Variants in CFAP299 observed in about 807,000 individuals in gnomAD.
CFAP299 encodes the protein cilia- and flagella-associated protein 299.
Under a neutral mutation model 27.0 loss-of-function variants are expected in CFAP299, and 21 were observed. That is an observed-to-expected ratio of 0.78 (90% CI 0.55 to 1.12). The LOEUF is 1.12. Ranked by LOEUF, CFAP299 falls within the 50% of genes most tolerant of loss-of-function variation. The pLI is 0.00. For missense variants in CFAP299, 310 were observed against 276.6 expected (o/e 1.12, Z -0.86); for synonymous variants, 104 against 98.1 (o/e 1.06, Z -0.36).
At chr4:80,541,613 A>T (rs563652338) in intron 2 of CFAP299, among the ~76,000 whole-genome samples, 1 of 152,146 alleles carries the variant, frequency 6.6e-6, no homozygotes, top group Non-Finnish European at 1.5e-5. Context: ...CTTTAGTCCT[A>T]TCTGAGTAAC....
chr4:80,649,415 T>A (rs900802973), intron 3 of CFAP299, among the ~76,000 whole-genome samples: 2 of 152,098 alleles, frequency 1.3e-5, no homozygotes, highest in African/African-American at 4.8e-5. Context: ...TTTGGGGCTA[T>A]TTAGAGGGCT....
In CFAP299 at chr4:80,736,869, T is replaced by A. The variant is rs1436499150; in HGVS notation, c.334-133124T>A. Among the ~76,000 whole-genome samples the A allele has an allele frequency of 5.9e-5, 9 of 152,288 alleles. No homozygotes were observed. In the East Asian group the frequency reaches 1.5e-3, roughly 26 times the overall value. On this transcript the variant is annotated intron_variant, in intron 3 of 5. Coordinates refer to ENST00000358105, the MANE Select transcript of CFAP299 (RefSeq NM_152770.3). ...CTATAAAGACACATGCACAGGTATG[T>A]TTATTGCTGCATTATTCACAATAGC... is the stretch of plus-strand genomic sequence containing the variant.
chr4:80,718,891 G>C (rs1335265974), intron 3 of CFAP299, among the ~76,000 whole-genome samples: 2 of 152,040 alleles, frequency 1.3e-5, no homozygotes, highest in African/African-American at 4.8e-5. Context: ...AATGTGCTTT[G>C]AATGTCCATT....
intron 2 of CFAP299, among the ~76,000 whole-genome samples, chr4:80,500,454 G>A (rs1019068509): frequency 6.6e-6 from 1 of 152,050 alleles, no homozygotes; most frequent in Non-Finnish European, 1.5e-5. Context: ...AAATCCTTAA[G>A]TTTAAATCTG....
intron 4 of CFAP299, among the ~76,000 whole-genome samples, chr4:80,932,650 T>C (rs1478668711): frequency 6.6e-6 from 1 of 152,226 alleles, no homozygotes; most frequent in Non-Finnish European, 1.5e-5. Flanking sequence ...AAAAAACATG[T>C]TTTAGCATTG....
chr4:80,702,887 G>C (rs1721592425), intron 3 of CFAP299, among the ~76,000 whole-genome samples: 1 of 151,626 alleles, frequency 6.6e-6, no homozygotes, highest in African/African-American at 2.4e-5. Flanking sequence ...ATGACATAGT[G>C]AAAGAAAAAA....
intron 4 of CFAP299, among the ~76,000 whole-genome samples, chr4:80,898,780 T>C (rs4326005): frequency 0.16 from 23,926 of 152,034 alleles, 4,015 homozygotes; most frequent in African/African-American, 0.42. Flanking sequence ...TGGACTATGA[T>C]GATAGTGATG....
At chr4:80,847,000 G>A (rs1731219933) in intron 3 of CFAP299, among the ~76,000 whole-genome samples, 1 of 152,132 alleles carries the variant, frequency 6.6e-6, no homozygotes, top group East Asian at 1.9e-4. Context: ...TAGTGAAAAG[G>A]TAACAAAAAT....
chr4:80,879,988 G>C (rs1315758408), intron 4 of CFAP299, among the ~76,000 whole-genome samples: 1 of 152,130 alleles, frequency 6.6e-6, no homozygotes, highest in Non-Finnish European at 1.5e-5. Context: ...TCAGACCTTT[G>C]GGATTCTATT....
In CFAP299 at chr4:80,523,793, C is replaced by T. The variant is rs556705775; in HGVS notation, c.243-59300C>T. Reference sequence around the variant, plus strand: ...AGATTGTGGGACTTTTCAGCCTCCACGATTGTGTGAACCACTCCCTCATAA... The same window carrying T: ...AGATTGTGGGACTTTTCAGCCTCCATGATTGTGTGAACCACTCCCTCATAA... On this transcript the variant is annotated intron_variant, in intron 2 of 5. Coordinates refer to ENST00000358105, the MANE Select transcript of CFAP299 (RefSeq NM_152770.3). Among the ~76,000 whole-genome samples, 113 of 152,114 alleles carry T rather than the reference C, an allele frequency of 7.4e-4. 1 individual carries two copies. Among genetic ancestry groups the T allele is most frequent in the Non-Finnish European group, 5.0e-4 (34 of 68,014 alleles).
intron 3 of CFAP299, among the ~76,000 whole-genome samples, chr4:80,594,023 A>T (rs1353282820): frequency 6.6e-6 from 1 of 152,126 alleles, no homozygotes; most frequent in Non-Finnish European, 1.5e-5. Flanking sequence ...CTTTTCTGAG[A>T]TTGTTCAGTC....
intron 2 of CFAP299, among the ~76,000 whole-genome samples, chr4:80,369,868 G>A (rs144568199): frequency 3.3e-4 from 51 of 152,274 alleles, no homozygotes; most frequent in Middle Eastern, 3.4e-3. Context: ...ACAGCTTCTG[G>A]ATAGTGCATG....
At chr4:80,456,847 C>T (rs1729189123) in intron 2 of CFAP299, among the ~76,000 whole-genome samples, 1 of 152,056 alleles carries the variant, frequency 6.6e-6, no homozygotes, top group Non-Finnish European at 1.5e-5. Flanking sequence ...CACTCCAATG[C>T]ATAGAAGTTT....
chr4:80,906,859 G>A (rs1735210509), intron 4 of CFAP299, among the ~76,000 whole-genome samples: 1 of 152,140 alleles, frequency 6.6e-6, no homozygotes. Context: ...GATGGGAGGG[G>A]CTGCAGTGAA....
At chr4:80,822,847 G>T (rs957333368) in intron 3 of CFAP299, among the ~76,000 whole-genome samples, 1 of 152,124 alleles carries the variant, frequency 6.6e-6, no homozygotes, top group African/African-American at 2.4e-5. Flanking sequence ...GGCCCACACT[G>T]CACACTATCT....
intron 3 of CFAP299, among the ~76,000 whole-genome samples, chr4:80,770,758 G>A (rs1726166314): frequency 1.3e-5 from 2 of 152,078 alleles, no homozygotes; most frequent in Admixed American, 1.3e-4. Context: ...ACCTCCCTCA[G>A]GTAGTTTGCC....
At chr4:80,394,542 T>A (rs374727516) in intron 2 of CFAP299, among the ~76,000 whole-genome samples, 3 of 152,144 alleles carry the variant, frequency 2.0e-5, no homozygotes, top group African/African-American at 7.2e-5. Flanking sequence ...TTCTCTAGTA[T>A]TTTTGCAGTT....
At chr4:80,615,965 G>A (rs1430275341) in intron 3 of CFAP299, among the ~76,000 whole-genome samples, 1 of 152,122 alleles carries the variant, frequency 6.6e-6, no homozygotes, top group Non-Finnish European at 1.5e-5. Flanking sequence ...TTTAGGAATA[G>A]GTAATTGACC....
intron 3 of CFAP299, among the ~76,000 whole-genome samples, chr4:80,769,454 G>C (rs571185692): frequency 2.0e-5 from 3 of 152,114 alleles, no homozygotes; most frequent in Admixed American, 2.0e-4. Context: ...GAGTGTGGTG[G>C]TGTGATCTCG....
Sources: gnomAD v4.1 joint callset for allele counts (sites outside exome capture counted in the v4.1 genomes callset) on GRCh38, gnomAD v4.1.1 for gene constraint, MANE v1.5 for transcripts, NCBI Gene and HGNC (gene_info 2026-07-23, HGNC 2026-07-21) for gene names.